Variants in ATAD2 observed in about 807,000 individuals in gnomAD.
ATAD2 encodes the protein ATPase family AAA domain-containing protein 2.
A neutral mutation model predicts 168.9 loss-of-function variants in ATAD2; 62 were observed. The ratio of observed to expected loss-of-function variants is 0.37; its 90% CI spans 0.30 to 0.45. ATAD2 has a LOEUF of 0.45. Among genes scored for constraint, ATAD2 ranks in the 20% least tolerant of loss-of-function variants. The pLI is 1.00. For synonymous variants in ATAD2, 613 were observed against 571.6 expected (o/e 1.07, Z -1.03); for missense variants, 1,419 against 1,667.8 (o/e 0.85, Z 2.60).
chr8:123,368,535 T>C (rs915371082), intron 8 of ATAD2, among the ~76,000 whole-genome samples: 1 of 151,988 alleles, frequency 6.6e-6, no homozygotes, highest in Non-Finnish European at 1.5e-5. Flanking sequence ...TCCACAAATA[T>C]TGAATAGTCA....
chr8:123,336,345 C>T (rs1827912288), intron 22 of ATAD2, 28 bp downstream of exon 22: 1 of 1,558,916 alleles, frequency 6.4e-7, no homozygotes, highest in Non-Finnish European at 8.6e-7. Flanking sequence ...CAACTCAACC[C>T]CCTGAAAAAA....
At chr8:123,344,364 T>C (rs555973302) in intron 19 of ATAD2, 81 of 150,100 alleles carry the variant, frequency 5.4e-4, no homozygotes, top group African/African-American at 2.0e-3. Flanking sequence ...TTTTTTTTTT[T>C]TGAGACAGAG....
At chr8:123,331,919 C>T (rs953330535) in intron 24 of ATAD2, among the ~76,000 whole-genome samples, 61 of 152,178 alleles carry the variant, frequency 4.0e-4, no homozygotes, top group Admixed American at 2.6e-4. Flanking sequence ...TCCAAAATTA[C>T]GGTAGTAAAG....
At chr8:123,400,089 G>A (rs577776997), upstream of ATAD2, among the ~76,000 whole-genome samples, 18 of 151,764 alleles carry the variant, frequency 1.2e-4, no homozygotes, top group South Asian at 8.3e-4. This position sits in a 1 kb window ranked among gnomAD's most constrained non-coding sequence, Gnocchi z 4.5. Flanking sequence ...GCTTGAACCC[G>A]TGAGGCAGAG....
At chr8:123,378,674 C>A (rs1482463158) in intron 2 of ATAD2, among the ~76,000 whole-genome samples, 1 of 104,488 alleles carries the variant, frequency 9.6e-6, no homozygotes, top group Non-Finnish European at 1.7e-5. Flanking sequence ...TGCATTCCAG[C>A]ATGGGCAACA....
In ATAD2 at chr8:123,335,145, C is replaced by T. The variant is rs1016508855; in HGVS notation, c.3212-823G>A. ...TTTAGGAGATTCTGATGTCCACTAA[C>T]ATTTGACACCACTAGCCTGAAGTAA... On this transcript the variant is annotated intron_variant, in intron 22 of 27. Transcript: ENST00000287394. 1.0e-3 allele frequency among the ~76,000 whole-genome samples: 157 copies of T among 152,226 alleles called. 6 individuals carry two copies. The highest frequency in any genetic ancestry group is 0.01 in the Admixed American group (157 of 15,292).
chr8:123,371,374 T>C, intron 4 of ATAD2, 36 bp from the exon 5 acceptor site: 1 of 1,509,776 alleles, frequency 6.6e-7, no homozygotes, highest in Non-Finnish European at 9.0e-7. Context: ...GTGAAAATTG[T>C]AAAAGAGTAG....
intron 13 of ATAD2, among the ~76,000 whole-genome samples, chr8:123,350,041 GA>G (rs1012555003): frequency 6.6e-6 from 1 of 151,650 alleles, no homozygotes; most frequent in East Asian, 1.9e-4. Flanking sequence ...AAAAGAAAAA[GA>G]AAAAAAGTGC....
At chr8:123,329,683 C>T (rs921385055) in intron 24 of ATAD2, among the ~76,000 whole-genome samples, 23 of 128,534 alleles carry the variant, frequency 1.8e-4, no homozygotes, top group Admixed American at 1.7e-3. Flanking sequence ...ACCTGGGAGG[C>T]GGAGCTTGCA....
intron 8 of ATAD2, among the ~76,000 whole-genome samples, chr8:123,366,850 A>T (rs1828993976): frequency 6.6e-6 from 1 of 152,100 alleles, no homozygotes; most frequent in Non-Finnish European, 1.5e-5. Context: ...TTACTCATGT[A>T]ACCAAATACC....
intron 19 of ATAD2, among the ~76,000 whole-genome samples, chr8:123,343,243 T>C (rs1222004439): frequency 6.6e-6 from 1 of 152,094 alleles, no homozygotes; most frequent in Non-Finnish European, 1.5e-5. Flanking sequence ...CCCAAAGTGC[T>C]AGAATTACAG....
intron 6 of ATAD2, 77 bp from the exon 7 acceptor site, chr8:123,370,101 G>T: frequency 5.6e-6 from 7 of 1,250,874 alleles, no homozygotes; most frequent in Non-Finnish European, 6.6e-6. Flanking sequence ...TGAGTTGGGA[G>T]AGAAAGATCC....
intron 13 of ATAD2, among the ~76,000 whole-genome samples, chr8:123,351,273 T>C (rs935148504): frequency 2.0e-5 from 3 of 152,104 alleles, no homozygotes; most frequent in African/African-American, 7.2e-5. Context: ...ATAATTATTG[T>C]TTAGATAAAG....
At chr8:123,344,632 C>A (rs1828175457) in intron 19 of ATAD2, 1 of 386,272 alleles carries the variant, frequency 2.6e-6, no homozygotes, top group African/African-American at 2.1e-5. Flanking sequence ...CAGGCGTGAG[C>A]CACTGCACCC....
At chr8:123,323,368 G>A (rs1301682683) in intron 26 of ATAD2, among the ~76,000 whole-genome samples, 2 of 152,148 alleles carry the variant, frequency 1.3e-5, no homozygotes, top group Non-Finnish European at 2.9e-5. Context: ...TAGATTAACA[G>A]GAGAAAAGCA....
upstream of ATAD2, among the ~76,000 whole-genome samples, chr8:123,397,326 A>G (rs1432470215): frequency 6.6e-6 from 1 of 152,206 alleles, no homozygotes; most frequent in Admixed American, 6.5e-5. Flanking sequence ...ATAAAGAACA[A>G]ATACTTTTTA....
chr8:123,391,232 C>A (rs1829817665), intron 1 of ATAD2, among the ~76,000 whole-genome samples: 2 of 151,070 alleles, frequency 1.3e-5, no homozygotes, highest in African/African-American at 4.9e-5. Flanking sequence ...AAAAGATATC[C>A]ATAGTCATAA....
chr8:123,344,006 T>C (rs1828149262), intron 19 of ATAD2, among the ~76,000 whole-genome samples: 1 of 152,216 alleles, frequency 6.6e-6, no homozygotes, highest in South Asian at 2.1e-4. Context: ...ATGAGTAATT[T>C]AATATTGTTA....
In ATAD2 at chr8:123,359,462, C is replaced by T. The variant is rs1828746136; in HGVS notation, c.1266+115G>A. On this transcript the variant is annotated intron_variant, in intron 10 of 27. Coordinates refer to ENST00000287394, the MANE Select transcript of ATAD2 (RefSeq NM_014109.4). The stretch of plus-strand genomic sequence containing the variant: ...TGACCTGAAGATTAACAGAAAACGT[C>T]TGTAAAGGTTAGAGTTTTGACTAAA... 2.4e-6 allele frequency: 3 copies of T among 1,246,716 alleles called. No individual in the cohort carries two copies. In the South Asian group the frequency reaches 3.9e-5, roughly 16 times the overall value. 77.2% of individuals were successfully genotyped at this position (1,246,716 alleles called of 1,614,324 possible).
Sources: allele counts gnomAD v4.1 joint callset (sites outside exome capture counted in the v4.1 genomes callset), GRCh38; gene constraint gnomAD v4.1.1; non-coding constraint Gnocchi (gnomAD v3.1); transcripts MANE v1.5; gene names NCBI Gene and HGNC (gene_info 2026-07-23, HGNC 2026-07-21).